The following PIGU variants were observed in gnomAD, a reference collection of about 807,000 sequenced individuals.
PIGU encodes the protein GPI-anchor transamidase component PIGU.
PIGU carries 24 observed loss-of-function variants against 49.9 expected under a neutral mutation model. That is an observed-to-expected ratio of 0.48 (90% CI 0.35 to 0.68). The LOEUF is 0.68. Among genes scored for constraint, PIGU ranks in the 30% least tolerant of loss-of-function variants. PIGU has a pLI of 0.01. For synonymous variants in PIGU, 220 were observed against 205.7 expected, an observed-to-expected ratio of 1.07 and a Z score of -0.59; for missense variants, 490 against 532.6, an observed-to-expected ratio of 0.92 and a Z score of 0.79.
chr20:34,607,235 G>A (rs918468654), intron 7 of PIGU, among the ~76,000 whole-genome samples: 9 of 152,132 alleles, frequency 5.9e-5, no homozygotes, highest in African/African-American at 1.9e-4. Flanking sequence ...CGTTCCTGGC[G>A]ACGGCCCCAC....
chr20:34,659,979 C>A (rs2146787839), intron 1 of PIGU, among the ~76,000 whole-genome samples: 1 of 150,578 alleles, frequency 6.6e-6, no homozygotes, highest in Middle Eastern at 3.4e-3. Context: ...TATCTGCTGA[C>A]CTTCCCTCCA....
chr20:34,599,752 G>A (rs1383491608), intron 7 of PIGU, among the ~76,000 whole-genome samples: 1 of 152,186 alleles, frequency 6.6e-6, no homozygotes, highest in Non-Finnish European at 1.5e-5. Context: ...GGAAGTCAGC[G>A]AAGAGTTTTA....
At chr20:34,588,663 A>G in intron 7 of PIGU, 56 bp from the exon 8 acceptor site, 2 of 1,521,634 alleles carry the variant, frequency 1.3e-6, no homozygotes, top group Non-Finnish European at 1.8e-6. Context: ...GAGGGCAGCT[A>G]TTAGCTTACA....
chr20:34,582,156 T>C (rs1600597666), intron 9 of PIGU, among the ~76,000 whole-genome samples: 1 of 152,332 alleles, frequency 6.6e-6, no homozygotes, highest in Non-Finnish European at 1.5e-5. Flanking sequence ...TACAGACCCA[T>C]AGTGCGATGA....
At chr20:34,581,720 G>A (rs757792814) in intron 9 of PIGU, 48 bp from the exon 10 acceptor site, 3 of 1,598,132 alleles carry the variant, frequency 1.9e-6, no homozygotes, top group Admixed American at 3.4e-5. Flanking sequence ...CAGGGACCAG[G>A]CCTACCCTAG....
At chr20:34,585,654 T>C in intron 8 of PIGU, 74 bp from the exon 9 acceptor site, 1 of 1,540,606 alleles carries the variant, frequency 6.5e-7, no homozygotes, top group East Asian at 2.2e-5. Flanking sequence ...TGATTTCTCC[T>C]GAAGACTTTG....
At chr20:34,634,577 C>T in intron 6 of PIGU, 38 bp downstream of exon 6, 1 of 1,583,016 alleles carries the variant, frequency 6.3e-7, no homozygotes, top group South Asian at 1.2e-5. Context: ...TTGCATAAAT[C>T]AGGGACTGAC....
intron 8 of PIGU, 65 bp downstream of exon 8, chr20:34,588,388 A>C: frequency 7.3e-7 from 1 of 1,368,998 alleles, no homozygotes; most frequent in Non-Finnish European, 9.9e-7. Flanking sequence ...CATTCTTGAC[A>C]ACAGTATACA....
chr20:34,630,481 T>C (rs1227248198), intron 6 of PIGU, among the ~76,000 whole-genome samples: 1 of 152,090 alleles, frequency 6.6e-6, no homozygotes, highest in Non-Finnish European at 1.5e-5. Context: ...AACTGAATAG[T>C]TGCAAAGGAA....
chr20:34,657,957 CCT>C (rs968728155), intron 1 of PIGU, among the ~76,000 whole-genome samples: 5 of 151,308 alleles, frequency 3.3e-5, no homozygotes, highest in East Asian at 1.9e-4. Flanking sequence ...TCACCCTCTC[CCT>C]CTCTCTCTCT....
At position 34,585,417 on chromosome 20, in the gene PIGU, C is replaced by T. The variant is rs1249383068; in HGVS notation, c.926+20G>A. The T allele has an allele frequency of 3.1e-6, 5 of 1,613,220 alleles. No homozygotes were observed. The South Asian group carries it at 4.4e-5, about 14-fold the overall frequency. On this transcript the variant is annotated intron_variant, in intron 9 of 11. Transcript: ENST00000217446. ...TCGGACAGCTCTGTACACACAGCAG[C>T]AGCAGGTCCAGCCACTTACTTTAGC... is the stretch of plus-strand genomic sequence containing the variant.
intron 7 of PIGU, among the ~76,000 whole-genome samples, chr20:34,596,303 G>C (rs536109563): frequency 6.6e-6 from 1 of 152,192 alleles, no homozygotes; most frequent in Non-Finnish European, 1.5e-5. Flanking sequence ...AACTGTCTCA[G>C]ACTAGGACAG....
intron 7 of PIGU, among the ~76,000 whole-genome samples, chr20:34,612,822 C>T (rs926556757): frequency 7.9e-5 from 12 of 151,836 alleles, no homozygotes; most frequent in Non-Finnish European, 7.4e-5. Flanking sequence ...AAGGTTTCGT[C>T]ATGTTGGCCA....
At chr20:34,615,550 T>C (rs942816488) in intron 7 of PIGU, among the ~76,000 whole-genome samples, 1 of 152,252 alleles carries the variant, frequency 6.6e-6, no homozygotes, top group African/African-American at 2.4e-5. Flanking sequence ...TTTTCATGGT[T>C]TCAGTTACCT....
At chr20:34,593,879 T>C (rs1984092670) in intron 7 of PIGU, among the ~76,000 whole-genome samples, 1 of 138,282 alleles carries the variant, frequency 7.2e-6, no homozygotes, top group Admixed American at 7.2e-5. Context: ...AGACCCTGCC[T>C]CAAACAAACA....
chr20:34,606,235 A>G (rs1208146497), intron 7 of PIGU, among the ~76,000 whole-genome samples: 1 of 147,726 alleles, frequency 6.8e-6, no homozygotes. Context: ...AGCCTAGGCG[A>G]CAGAGTGAGA....
chr20:34,575,091 C>A lies in PIGU; in HGVS notation c.1194+13G>T, dbSNP rs1271689224. ...TCCTGTCCCCAAGCTGACCCCCATG[C>A]TGTCCCTCTTACCTGCCCAACGTTG... On this transcript the variant is annotated intron_variant, in intron 11 of 11. Coordinates refer to ENST00000217446, the MANE Select transcript of PIGU (RefSeq NM_080476.5). 6.2e-7 allele frequency: 1 copy of A among 1,613,362 alleles called. No individual in the cohort carries two copies. The highest frequency in any genetic ancestry group is 8.5e-7 in the Non-Finnish European group (1 of 1,179,458).
chr20:34,602,372 G>C (rs143419810), intron 7 of PIGU, among the ~76,000 whole-genome samples: 1 of 149,980 alleles, frequency 6.7e-6, no homozygotes, highest in Admixed American at 6.7e-5. Flanking sequence ...CGAGGTGGGC[G>C]GATGACTTGA....
intron 11 of PIGU, among the ~76,000 whole-genome samples, chr20:34,568,180 A>C (rs1982856833): frequency 6.6e-6 from 1 of 152,274 alleles, no homozygotes; most frequent in East Asian, 1.9e-4. Context: ...GAGTCGCTAT[A>C]GAGTTTGGGC....
Sources: gnomAD v4.1 joint callset for allele counts (sites outside exome capture counted in the v4.1 genomes callset) on GRCh38, gnomAD v4.1.1 for gene constraint, MANE v1.5 for transcripts, NCBI Gene and HGNC (gene_info 2026-07-23, HGNC 2026-07-21) for gene names.